The following ATP6V0A4 variants were observed in gnomAD, a reference collection of about 807,000 sequenced individuals.
ATP6V0A4 encodes the protein V-type proton ATPase 116 kDa subunit a 4.
A neutral mutation model predicts 107.3 loss-of-function variants in ATP6V0A4; 86 were observed. That is an observed-to-expected ratio of 0.80 (90% CI 0.67 to 0.96). ATP6V0A4 has a LOEUF of 0.96. Ranked by LOEUF, ATP6V0A4 falls within the 40% of genes least tolerant of loss-of-function variation. The probability of loss-of-function intolerance (pLI) is 0.00; values close to 1 mark genes in which losing one functional copy is unlikely to be tolerated. For missense variants in ATP6V0A4, 908 were observed against 1,045.6 expected, an observed-to-expected ratio of 0.87 and a Z score of 1.81; for synonymous variants, 353 against 381.4, an observed-to-expected ratio of 0.93 and a Z score of 0.87.
chr7:138,731,498 G>T (rs769049938), intron 17 of ATP6V0A4, among the ~76,000 whole-genome samples: 1 of 152,162 alleles, frequency 6.6e-6, no homozygotes, highest in Non-Finnish European at 1.5e-5. Context: ...TAATCACTGG[G>T]AGAGGCCAGG....
In ATP6V0A4 at chr7:138,768,860, C is replaced by T. The variant is rs1232526730; in HGVS notation, c.211G>A (p.Glu71Lys). 2.5e-6 allele frequency: 4 copies of T among 1,614,166 alleles called. No individual in the cohort carries two copies. The highest frequency in any genetic ancestry group is 2.2e-5 in the East Asian group (1 of 44,888). Residue 71 changes from glutamate (E) to lysine (K), a missense_variant, in exon 5 of 22, where the codon GAG becomes AAG. By Grantham distance (56) the Glu-to-Lys change is moderately conservative. Transcript: ENST00000310018. ...LERILRFLED[E>K]MQNEIVVQLL... is the part of the protein sequence containing the mutation. Reference sequence around the variant, plus strand: ...TGAACTACAATCTCATTTTGCATCTCGTCTTCCAGAAAACCTGAAGAATGA... The same window carrying T: ...TGAACTACAATCTCATTTTGCATCTTGTCTTCCAGAAAACCTGAAGAATGA...
chr7:138,764,645 G>A (rs1209698563), intron 5 of ATP6V0A4, among the ~76,000 whole-genome samples: 10 of 151,990 alleles, frequency 6.6e-5, no homozygotes, highest in Non-Finnish European at 1.5e-5. Context: ...GGAAAGGGAA[G>A]GGAAGTAAAA....
Position 138,798,177 on chromosome 7 carries a change from T to G in ATP6V0A4, c.-264A>C. 1 of 1,594,690 alleles carries G rather than the reference T, an allele frequency of 6.3e-7. No homozygotes were observed. The highest frequency in any genetic ancestry group is 1.3e-5 in the African/African-American group (1 of 74,700). On this transcript the variant is annotated 5_prime_UTR_variant, in exon 1 of 22. Coordinates refer to ENST00000310018, the MANE Select transcript of ATP6V0A4 (RefSeq NM_020632.3). ...GGCCTTTGCCTCCCTCCACTCGGCT[T>G]GCTCGGCAGGTAGCGTTATGAGCTT...
In ATP6V0A4 at chr7:138,749,314, G is replaced by T. The variant is rs61747674; in HGVS notation, c.1033C>A (p.Leu345Ile). The change falls in exon 12 of 22, where the codon CTA (leucine) becomes ATA (isoleucine). Residue 345 changes from leucine (L) to isoleucine (I), a missense_variant. By Grantham distance (5) the Leu-to-Ile change is conservative. Transcript: ENST00000310018. ...IKRALEQGME[L>I]SGSSMAPIMT... ...ATGGGGGCCATGGAGGAGCCACTTA[G>T]TTCCTGGAAAAAAAAAAAAAAGCGA... is the stretch of plus-strand genomic sequence containing the variant. The T allele has an allele frequency of 7.5e-3, 11,672 of 1,549,738 alleles. 46 individuals are homozygous for T. Among genetic ancestry groups the T allele is most frequent in the Non-Finnish European group, 9.1e-3 (10,352 of 1,138,154 alleles).
In ATP6V0A4 at chr7:138,775,689, C is replaced by T. The variant is rs551795181; in HGVS notation, c.-17-4425G>A. On this transcript the variant is annotated intron_variant, in intron 2 of 21. Coordinates refer to ENST00000310018, the MANE Select transcript of ATP6V0A4 (RefSeq NM_020632.3). ...TTTTTGAGACAGTCTCTCGCTCTGTCGCCCAGGCTGGAGTGCAGTGGCGCG... is the reference window on the plus strand; with the variant it reads ...TTTTTGAGACAGTCTCTCGCTCTGTTGCCCAGGCTGGAGTGCAGTGGCGCG... Among the ~76,000 whole-genome samples, 255 of 143,998 alleles carry T rather than the reference C, an allele frequency of 1.8e-3. 1 individual carries two copies. The highest frequency in any genetic ancestry group is 6.3e-3 in the African/African-American group (249 of 39,418). The allele number at this position is 143,998 out of a possible 152,430, so 94.5% of individuals were successfully genotyped here.
intron 18 of ATP6V0A4, among the ~76,000 whole-genome samples, chr7:138,726,289 G>A (rs920212373): frequency 1.1e-4 from 16 of 152,176 alleles, no homozygotes; most frequent in Non-Finnish European, 1.6e-4. Context: ...GTGCCCGGCC[G>A]AAGATTTTAA....
At chr7:138,753,622 T>C (rs1806349138) in intron 10 of ATP6V0A4, among the ~76,000 whole-genome samples, 1 of 152,258 alleles carries the variant, frequency 6.6e-6, no homozygotes, top group African/African-American at 2.4e-5. Flanking sequence ...ATCATTTTTA[T>C]GTTTTGATGA....
intron 19 of ATP6V0A4, among the ~76,000 whole-genome samples, chr7:138,717,105 C>T (rs1237336024): frequency 6.6e-6 from 1 of 152,186 alleles, no homozygotes; most frequent in African/African-American, 2.4e-5. Flanking sequence ...GCAGTTGGCT[C>T]TCCACATGCT....
intron 1 of ATP6V0A4, among the ~76,000 whole-genome samples, chr7:138,793,328 T>C (rs1052685981): frequency 5.3e-5 from 8 of 152,128 alleles, no homozygotes; most frequent in Non-Finnish European, 8.8e-5. Flanking sequence ...TATTACACAA[T>C]GATTTTTTAA....
intron 3 of ATP6V0A4, among the ~76,000 whole-genome samples, chr7:138,770,821 T>C (rs1483704264): frequency 1.3e-5 from 2 of 152,218 alleles, no homozygotes; most frequent in East Asian, 1.9e-4. Flanking sequence ...ATTGGCTATA[T>C]ACAATGTTTG....
intron 18 of ATP6V0A4, among the ~76,000 whole-genome samples, chr7:138,728,030 A>G (rs1804804077): frequency 6.6e-6 from 1 of 152,194 alleles, no homozygotes; most frequent in African/African-American, 2.4e-5. Flanking sequence ...AATCTGTAAC[A>G]TAATACAGTA....
chr7:138,761,690 A>C (rs1284115494), intron 7 of ATP6V0A4, among the ~76,000 whole-genome samples: 1 of 150,320 alleles, frequency 6.7e-6, no homozygotes, highest in Non-Finnish European at 1.5e-5. Flanking sequence ...ATTTTATTTT[A>C]TTTTCTTGAG....
intron 10 of ATP6V0A4, 59 bp from the exon 11 acceptor site, chr7:138,752,896 T>G: frequency 1.3e-6 from 2 of 1,598,230 alleles, no homozygotes; most frequent in East Asian, 2.2e-5. Flanking sequence ...TTTGACAAGG[T>G]GCCAAAAATG....
chr7:138,726,235 C>T (rs1366668957), intron 18 of ATP6V0A4, among the ~76,000 whole-genome samples: 8 of 151,804 alleles, frequency 5.3e-5, no homozygotes, highest in African/African-American at 1.5e-4. Flanking sequence ...GTGATCCGCC[C>T]GCCTCGGCCT....
rs1031705606 is a variant in ATP6V0A4 at position 138,790,929 on chromosome 7, A to C, written c.-120-4669T>G. On this transcript the variant is annotated intron_variant, in intron 1 of 21. Transcript: ENST00000310018. The stretch of plus-strand genomic sequence containing the variant: ...TGGGTCTCAAGTTATTTCTATAAAC[A>C]ATAGTATGTAATTGCAATTTTGCCC... Among the ~76,000 whole-genome samples, 6 of 152,260 alleles carry C rather than the reference A, an allele frequency of 3.9e-5. No homozygotes were observed. In the South Asian group the frequency reaches 1.2e-3, roughly 31 times the overall value.
At chr7:138,760,061 C>G in intron 7 of ATP6V0A4, 183 bp from the exon 8 acceptor site, 1 of 483,194 alleles carries the variant, frequency 2.1e-6, no homozygotes, top group Non-Finnish European at 2.7e-6. Context: ...CCTGACTTGC[C>G]CCAAGTCCCT....
intron 2 of ATP6V0A4, among the ~76,000 whole-genome samples, chr7:138,772,140 C>T (rs972059294): frequency 1.3e-5 from 2 of 152,150 alleles, no homozygotes; most frequent in African/African-American, 4.8e-5. Flanking sequence ...GTATATCCAA[C>T]GTTAACGTGT....
intron 14 of ATP6V0A4, among the ~76,000 whole-genome samples, chr7:138,741,489 C>T (rs554661319): frequency 1.3e-5 from 2 of 152,294 alleles, no homozygotes; most frequent in South Asian, 2.1e-4. Flanking sequence ...GCTAAGCCAT[C>T]GTGTCTCCTG....
intron 15 of ATP6V0A4, among the ~76,000 whole-genome samples, chr7:138,738,139 G>A (rs938936307): frequency 2.6e-5 from 4 of 152,090 alleles, no homozygotes; most frequent in Non-Finnish European, 5.9e-5. Flanking sequence ...TTTTAGGATA[G>A]AAAGACCAGA....
Sources: gnomAD v4.1 joint callset for allele counts (sites outside exome capture counted in the v4.1 genomes callset) on GRCh38, gnomAD v4.1.1 for gene constraint, MANE v1.5 for transcripts, NCBI Gene and HGNC (gene_info 2026-07-23, HGNC 2026-07-21) for gene names.